EGFR: variants seen among roughly 807,000 people sequenced by gnomAD.
The protein encoded by EGFR is epidermal growth factor receptor.
In EGFR, 58 loss-of-function variants were observed where a neutral mutation model predicts 143.0. The ratio of observed to expected loss-of-function variants is 0.41; its 90% CI spans 0.33 to 0.50. EGFR has a LOEUF of 0.50. EGFR is among the 20% of genes least tolerant of loss of function. The pLI is 0.39. For synonymous variants in EGFR, 613 were observed against 594.4 expected, an observed-to-expected ratio of 1.03 and a Z score of -0.45; for missense variants, 1,307 against 1,579.0, an observed-to-expected ratio of 0.83 and a Z score of 2.92.
chr7:55,170,184 A>G, intron 15 of EGFR: 3 of 1,549,052 alleles, frequency 1.9e-6, no homozygotes, highest in South Asian at 1.2e-5. Flanking sequence ...AATTAAGAAG[A>G]GCAGTGTAGA....
At chr7:55,191,364 C>A (rs1477884921) in intron 20 of EGFR, among the ~76,000 whole-genome samples, 5 of 152,074 alleles carry the variant, frequency 3.3e-5, no homozygotes, top group Admixed American at 6.5e-5. Context: ...CGCCACCCCC[C>A]ACCCCCACTT....
chr7:55,155,966 G>A lies in EGFR; in HGVS notation c.1006+20G>A. On this transcript the variant is annotated intron_variant, in intron 8 of 27. Coordinates refer to ENST00000275493, the MANE Select transcript of EGFR (RefSeq NM_005228.5). ...GCAAAGGTAGGAAGCCCGCCGGTGT[G>A]CGGACGAGGCTTGTTCTCGGCTGCT... is the stretch of plus-strand genomic sequence containing the variant. The A allele has an allele frequency of 6.3e-7, 1 of 1,586,080 alleles. No individual in the cohort carries two copies. Among genetic ancestry groups the A allele is most frequent in the Non-Finnish European group, 8.6e-7 (1 of 1,156,956 alleles).
rs1053337070 is a variant in EGFR at position 55,067,638 on chromosome 7, A to AT, written c.88+48279dup. Among the ~76,000 whole-genome samples, 16 of 151,532 alleles carry AT rather than the reference A, an allele frequency of 1.1e-4. 3 individuals carry two copies. The highest frequency in any genetic ancestry group is 3.9e-4 in the African/African-American group (16 of 40,826). On this transcript the variant is annotated intron_variant, in intron 1 of 27. Transcript: ENST00000275493. ...ACCAATCTGCTACTTTTGTTTATTA[A>AT]TTTTTTCCTGAGGGGAAATATTTTT...
At chr7:55,081,460 C>T (rs1462071632) in intron 1 of EGFR, among the ~76,000 whole-genome samples, 1 of 152,144 alleles carries the variant, frequency 6.6e-6, no homozygotes, top group Admixed American at 6.5e-5. Flanking sequence ...CCGACAAAGG[C>T]CAGGTGGTAA....
intron 15 of EGFR, 136 bp from the exon 16 acceptor site, chr7:55,171,039 A>G: frequency 6.6e-7 from 1 of 1,515,368 alleles, no homozygotes; most frequent in Non-Finnish European, 8.8e-7. Context: ...CCAATCCAAC[A>G]TCCAGACACA....
intron 1 of EGFR, among the ~76,000 whole-genome samples, chr7:55,048,608 T>A (rs1226012995): frequency 6.6e-6 from 1 of 152,208 alleles, no homozygotes; most frequent in Non-Finnish European, 1.5e-5. Flanking sequence ...AGGTTGTGTC[T>A]CTCCCTGGCT....
At chr7:55,122,699 G>C (rs1793281898) in intron 1 of EGFR, among the ~76,000 whole-genome samples, 1 of 152,226 alleles carries the variant, frequency 6.6e-6, no homozygotes, top group Non-Finnish European at 1.5e-5. Flanking sequence ...TCACAGGACA[G>C]CTCAAGCATC....
intron 1 of EGFR, among the ~76,000 whole-genome samples, chr7:55,081,108 C>G (rs149207677): frequency 6.6e-6 from 1 of 152,270 alleles, no homozygotes; most frequent in African/African-American, 2.4e-5. Flanking sequence ...AAACATTTTC[C>G]CAGGTAGTAT....
At chr7:55,057,706 G>A (rs1271227448) in intron 1 of EGFR, among the ~76,000 whole-genome samples, 1 of 152,182 alleles carries the variant, frequency 6.6e-6, no homozygotes, top group African/African-American at 2.4e-5. Flanking sequence ...AACATAAAAT[G>A]GGATTGAGAG....
intron 1 of EGFR, among the ~76,000 whole-genome samples, chr7:55,028,928 G>T (rs977641627): frequency 6.6e-6 from 1 of 152,170 alleles, no homozygotes; most frequent in African/African-American, 2.4e-5. Context: ...CAGAGGCCGA[G>T]GCGGGCGGAT....
chr7:55,061,233 T>C (rs1789147331), intron 1 of EGFR, among the ~76,000 whole-genome samples: 1 of 152,160 alleles, frequency 6.6e-6, no homozygotes, highest in Non-Finnish European at 1.5e-5. Context: ...GCCTTTTATG[T>C]AAGATATGTG....
chr7:55,059,576 G>A (rs552671575), intron 1 of EGFR, among the ~76,000 whole-genome samples: 3 of 152,008 alleles, frequency 2.0e-5, no homozygotes, highest in South Asian at 2.1e-4. Context: ...ACTATATCAC[G>A]CAGAGTCGTC....
In EGFR at chr7:55,154,170, G is replaced by T. The variant is rs41323746; in HGVS notation, c.889+18G>T. The T allele has an allele frequency of 1.2e-3, 1,908 of 1,614,182 alleles. 2 individuals are homozygous for T. Among genetic ancestry groups the T allele is most frequent in the African/African-American group, 1.8e-3 (137 of 75,034 alleles). ...GTGTCCCCGTGAGTCCTCCTCTGTG[G>T]GCCCTCTAACTGGTCAGGCATCCTT... On this transcript the variant is annotated intron_variant, in intron 7 of 27. Coordinates refer to ENST00000275493, the MANE Select transcript of EGFR (RefSeq NM_005228.5).
intron 20 of EGFR, chr7:55,181,679 A>G (rs948030047): frequency 6.1e-6 from 4 of 651,482 alleles, no homozygotes; most frequent in Admixed American, 5.0e-5. Context: ...GCATGTGGAA[A>G]CTCTCATCAA....
intron 1 of EGFR, chr7:55,043,853 C>A (rs1044281769): frequency 3.9e-5 from 6 of 152,214 alleles, no homozygotes; most frequent in African/African-American, 1.4e-4. Flanking sequence ...TTTGCCTGGA[C>A]TTTCTAAGTG....
chr7:55,025,145 C>A (rs1365962473), intron 1 of EGFR, among the ~76,000 whole-genome samples: 2 of 152,078 alleles, frequency 1.3e-5, no homozygotes, highest in African/African-American at 4.8e-5. Context: ...TGGATTTTGT[C>A]CTGTGTGAAA....
At chr7:55,059,542 C>T (rs971972669) in intron 1 of EGFR, among the ~76,000 whole-genome samples, 1 of 152,078 alleles carries the variant, frequency 6.6e-6, no homozygotes, top group African/African-American at 2.4e-5. Context: ...CTGGACAAAT[C>T]TATAATGACA....
chr7:55,043,112 G>A lies in EGFR; in HGVS notation c.88+23747G>A, dbSNP rs17585650. 2.4e-3 allele frequency among the ~76,000 whole-genome samples: 364 copies of A among 152,156 alleles called. 4 individuals carry two copies. The highest frequency in any genetic ancestry group is 7.1e-3 in the Admixed American group (109 of 15,272). ...CTCAATGTTAATACTTGATGAGATC[G>A]GGCGCGTTCAAGGTGGCATGGCCGT... is the stretch of plus-strand genomic sequence containing the variant. On this transcript the variant is annotated intron_variant, in intron 1 of 27. Transcript: ENST00000275493.
chr7:55,082,705 C>T (rs193015764), intron 1 of EGFR, among the ~76,000 whole-genome samples: 1 of 152,326 alleles, frequency 6.6e-6, no homozygotes, highest in Admixed American at 6.5e-5. Context: ...TGAGACATCT[C>T]GTGCAGGGCA....
Sources: allele counts gnomAD v4.1 joint callset (sites outside exome capture counted in the v4.1 genomes callset), GRCh38; gene constraint gnomAD v4.1.1; transcripts MANE v1.5; gene names NCBI Gene and HGNC (gene_info 2026-07-23, HGNC 2026-07-21).